PCCA: variants seen among roughly 807,000 people sequenced by gnomAD.
PCCA encodes the protein propionyl-CoA carboxylase subunit alpha.
A neutral mutation model predicts 101.3 loss-of-function variants in PCCA; 74 were observed. That is an observed-to-expected ratio of 0.73 (90% CI 0.61 to 0.89). The LOEUF (loss-of-function observed/expected upper bound fraction) is 0.89, where lower values mean the gene tolerates loss of function less well. PCCA is among the 40% of genes least tolerant of loss of function. The pLI is 0.00. For synonymous variants in PCCA, 294 were observed against 313.6 expected, an observed-to-expected ratio of 0.94 and a Z score of 0.66; for missense variants, 891 against 907.0, an observed-to-expected ratio of 0.98 and a Z score of 0.23.
chr13:100,304,145 C>G (rs918975874), intron 14 of PCCA, among the ~76,000 whole-genome samples: 1 of 152,322 alleles, frequency 6.6e-6, no homozygotes, highest in Non-Finnish European at 1.5e-5. Flanking sequence ...AACTATACCC[C>G]CTACAGTCTT....
chr13:100,335,248 T>C (rs1397461691), intron 17 of PCCA, among the ~76,000 whole-genome samples: 2 of 152,216 alleles, frequency 1.3e-5, no homozygotes, highest in Non-Finnish European at 2.9e-5. Flanking sequence ...TAACCAGTTT[T>C]TAGGTAAGAT....
intron 4 of PCCA, chr13:100,150,859 T>C (rs1478105419): frequency 6.3e-7 from 1 of 1,575,814 alleles, no homozygotes; most frequent in Non-Finnish European, 8.7e-7. Context: ...TGCCATAAGT[T>C]GCACCCTTAG....
At position 100,381,446 on chromosome 13, in the gene PCCA, C is replaced by T. The variant is rs535131567; in HGVS notation, c.1746+12872C>T. Among the ~76,000 whole-genome samples the T allele has an allele frequency of 2.6e-5, 4 of 151,230 alleles. No individual in the cohort carries two copies. The South Asian group carries it at 8.4e-4, about 32-fold the overall frequency. On this transcript the variant is annotated intron_variant, in intron 19 of 23. Transcript: ENST00000376285. ...GTGGAGAAATTGAAACCTTCAAATG[C>T]TATTGGTGGGAACGTAAAAGGGTGC...
chr13:100,269,887 A>G (rs1451814302), intron 11 of PCCA, among the ~76,000 whole-genome samples: 1 of 152,064 alleles, frequency 6.6e-6, no homozygotes, highest in Admixed American at 6.5e-5. Context: ...ATCCTTTGCC[A>G]TTTTTCTCTT....
chr13:100,312,501 A>G (rs950509196), intron 16 of PCCA, among the ~76,000 whole-genome samples: 1 of 152,226 alleles, frequency 6.6e-6, no homozygotes, highest in African/African-American at 2.4e-5. Context: ...ATCACTTGTT[A>G]TAGTATTTTG....
intron 19 of PCCA, among the ~76,000 whole-genome samples, chr13:100,398,929 A>T (rs1291777489): frequency 6.6e-6 from 1 of 152,178 alleles, no homozygotes; most frequent in Non-Finnish European, 1.5e-5. Context: ...AAGAAATTAA[A>T]GATTGCTGTA....
chr13:100,416,289 A>G (rs567387583), intron 19 of PCCA, among the ~76,000 whole-genome samples: 18 of 151,760 alleles, frequency 1.2e-4, no homozygotes, highest in African/African-American at 3.1e-4. Context: ...CCCAGGTTCA[A>G]GCAGTTCTCA....
rs1178941372 is a variant in PCCA at position 100,525,026 on chromosome 13, T to TAGATAGAC, written c.2041-2646_2041-2645insTAGACAGA. 5.1e-3 allele frequency among the ~76,000 whole-genome samples: 724 copies of TAGATAGAC among 142,596 alleles called. 1 individual carries two copies. Among genetic ancestry groups the TAGATAGAC allele is most frequent in the African/African-American group, 8.7e-3 (331 of 38,134 alleles). 93.5% of individuals were successfully genotyped at this position (142,596 alleles called of 152,430 possible). On this transcript the variant is annotated intron_variant, in intron 22 of 23. Coordinates refer to ENST00000376285, the MANE Select transcript of PCCA (RefSeq NM_000282.4). ...ATAGATAGATAGATAGATAGATAGA[T>TAGATAGAC]AGACAGACAGACAGGCAGATAAGAT...
chr13:100,384,691 A>G (rs1425744437), intron 19 of PCCA, among the ~76,000 whole-genome samples: 1 of 152,178 alleles, frequency 6.6e-6, no homozygotes, highest in Non-Finnish European at 1.5e-5. Context: ...AGTTTTTAGG[A>G]TAGGCTTTTA....
intron 19 of PCCA, among the ~76,000 whole-genome samples, chr13:100,403,977 A>G (rs1177884417): frequency 3.3e-5 from 5 of 152,098 alleles, no homozygotes; most frequent in African/African-American, 4.8e-5. Context: ...TAGAATACGG[A>G]TAAGGACAAA....
In PCCA at chr13:100,302,909, C is replaced by T. The variant is rs771602619; in HGVS notation, c.1210-15C>T. 2.0e-6 allele frequency: 3 copies of T among 1,488,854 alleles called. No individual in the cohort carries two copies. Among genetic ancestry groups the T allele is most frequent in the Non-Finnish European group, 2.8e-6 (3 of 1,065,842 alleles). 92.2% of individuals were successfully genotyped at this position (1,488,854 alleles called of 1,614,324 possible). A position where few individuals can be genotyped will look rare whatever the true frequency, so the allele number is the denominator to read the frequency against. On this transcript the variant is annotated splice_polypyrimidine_tract_variant and intron_variant, in intron 13 of 23. Coordinates refer to ENST00000376285, the MANE Select transcript of PCCA (RefSeq NM_000282.4). ...ATATTTCAAAGACTGTGCTTCCTTT[C>T]CTTTGAACTTTCAGGACCCCTACAA...
At chr13:100,114,240 C>T (rs949568460) in intron 4 of PCCA, among the ~76,000 whole-genome samples, 1 of 151,990 alleles carries the variant, frequency 6.6e-6, no homozygotes, top group Non-Finnish European at 1.5e-5. Flanking sequence ...GTATAAGGAG[C>T]TCAAACAACT....
chr13:100,527,838 G>T, intron 23 of PCCA, 86 bp downstream of exon 23: 1 of 965,842 alleles, frequency 1.0e-6, no homozygotes, highest in Non-Finnish European at 1.7e-6. Context: ...TGGCTGGAAA[G>T]GGCCACAGAG....
chr13:100,132,027 A>C (rs539284932), intron 4 of PCCA, among the ~76,000 whole-genome samples: 1 of 152,290 alleles, frequency 6.6e-6, no homozygotes, highest in East Asian at 1.9e-4. Flanking sequence ...AAGCTGGGAG[A>C]GGACAATACT....
chr13:100,168,091 CA>C (rs2055241026), intron 6 of PCCA, among the ~76,000 whole-genome samples: 1 of 152,182 alleles, frequency 6.6e-6, no homozygotes, highest in Non-Finnish European at 1.5e-5. Flanking sequence ...CAGTTGAACA[CA>C]TATGCCACCT....
intron 6 of PCCA, among the ~76,000 whole-genome samples, chr13:100,158,848 A>G (rs1303699909): frequency 1.3e-5 from 2 of 152,022 alleles, no homozygotes; most frequent in Non-Finnish European, 2.9e-5. Flanking sequence ...TAGTTGTGAC[A>G]GAGACCATTT....
Position 100,425,709 on chromosome 13 carries a change from A to G in PCCA, c.1823A>G (p.Asp608Gly). 6.2e-7 allele frequency: 1 copy of G among 1,613,464 alleles called. No homozygotes were observed. Among genetic ancestry groups the G allele is most frequent in the East Asian group, 2.2e-5 (1 of 44,866 alleles). The change falls in exon 20 of 24, where the codon GAT (aspartate) becomes GGT (glycine). Residue 608 changes from aspartate (D) to glycine (G), a missense_variant. Transcript: ENST00000376285. ...TCGCCCTTATTGTCTGTCAGCGTTGATGGCACTCAGAGGACTGTCCAGGTG... is the reference window on the plus strand; with the variant it reads ...TCGCCCTTATTGTCTGTCAGCGTTGGTGGCACTCAGAGGACTGTCCAGGTG... ...LASPLLSVSVDGTQRTVQCLS... is the reference protein window; with the variant it reads ...LASPLLSVSVGGTQRTVQCLS...
intron 8 of PCCA, among the ~76,000 whole-genome samples, chr13:100,245,488 T>C (rs1316620692): frequency 1.3e-5 from 2 of 152,204 alleles, no homozygotes; most frequent in African/African-American, 2.4e-5. Context: ...TCATTCTGTG[T>C]GTTCAATTCT....
In PCCA at chr13:100,298,616, TCCCTCCCTCCCTCC is replaced by T. The variant is rs1411307140; in HGVS notation, c.1066-2841_1066-2828del. Among the ~76,000 whole-genome samples, 2 of 1,612 alleles carry T rather than the reference TCCCTCCCTCCCTCC, an allele frequency of 1.2e-3. 1 individual carries two copies. The highest frequency in any genetic ancestry group is 2.2e-3 in the Non-Finnish European group (2 of 926). 1.1% of individuals were successfully genotyped at this position (1,612 alleles called of 152,430 possible). A position where few individuals can be genotyped will look rare whatever the true frequency, so the allele number is the denominator to read the frequency against. On this transcript the variant is annotated intron_variant, in intron 12 of 23. Transcript: ENST00000376285. Reference sequence around the variant, plus strand: ...TCCCTCCCTCCCTCCCTCCCCTCCCTCCCTCCCTCCCTCCCCTCCCTCCCTCCCTCCCTCCCTCC... The same window carrying T: ...TCCCTCCCTCCCTCCCTCCCCTCCCTCCTCCCTCCCTCCCTCCCTCCCTCC...
Sources: allele counts gnomAD v4.1 joint callset (sites outside exome capture counted in the v4.1 genomes callset), GRCh38; gene constraint gnomAD v4.1.1; transcripts MANE v1.5; gene names NCBI Gene and HGNC (gene_info 2026-07-23, HGNC 2026-07-21).